The following C1orf87 variants were observed in gnomAD, a reference collection of about 807,000 sequenced individuals.
C1orf87 encodes the protein chromosome 1 open reading frame 87, also known as uncharacterized protein C1orf87.
In C1orf87, 58 loss-of-function variants were observed where a neutral mutation model predicts 60.5. The ratio of observed to expected loss-of-function variants is 0.96; its 90% CI spans 0.78 to 1.19. C1orf87 has a LOEUF of 1.19. Ranked by LOEUF, C1orf87 falls within the 50% of genes most tolerant of loss-of-function variation. C1orf87 has a pLI of 0.00. For missense variants in C1orf87, 673 were observed against 638.6 expected (o/e 1.05, Z -0.58); for synonymous variants, 236 against 227.4 (o/e 1.04, Z -0.34).
intron 3 of C1orf87, 140 bp from the exon 4 acceptor site, chr1:60,041,271 T>C (rs1574316602): frequency 1.6e-5 from 11 of 677,788 alleles, no homozygotes; most frequent in Non-Finnish European, 2.0e-5. Context: ...AGCCCATGTA[T>C]CATTGAGTCA....
At chr1:60,044,274 C>T (rs899367417) in intron 3 of C1orf87, among the ~76,000 whole-genome samples, 2 of 152,224 alleles carry the variant, frequency 1.3e-5, no homozygotes, top group Non-Finnish European at 2.9e-5. Flanking sequence ...TCGTGATCTG[C>T]CCGCCTCGGC....
At chr1:59,996,730 C>T (rs552096935) in intron 11 of C1orf87, among the ~76,000 whole-genome samples, 66 of 152,086 alleles carry the variant, frequency 4.3e-4, no homozygotes, top group African/African-American at 1.5e-3. Context: ...ATGATGACCC[C>T]ACCAGGAAGA....
intron 3 of C1orf87, among the ~76,000 whole-genome samples, chr1:60,045,254 T>C (rs1403574071): frequency 6.6e-6 from 1 of 152,066 alleles, no homozygotes; most frequent in Non-Finnish European, 1.5e-5. Flanking sequence ...TGGGCAGTAG[T>C]GATAATGAGG....
chr1:60,027,476 G>A (rs12071929), intron 7 of C1orf87, among the ~76,000 whole-genome samples: 4,735 of 152,268 alleles, frequency 0.031, 248 homozygotes, highest in African/African-American at 0.11. Context: ...GCCTGGCCCC[G>A]CATGGTGTGG....
chr1:59,993,786 T>A (rs1201963311), intron 11 of C1orf87, among the ~76,000 whole-genome samples: 1 of 150,462 alleles, frequency 6.6e-6, no homozygotes, highest in Non-Finnish European at 1.5e-5. Flanking sequence ...GAGATGGAGT[T>A]TTGCTCTTGT....
chr1:60,065,844 A>G (rs1192232725), intron 2 of C1orf87, among the ~76,000 whole-genome samples: 1 of 152,174 alleles, frequency 6.6e-6, no homozygotes, highest in African/African-American at 2.4e-5. Flanking sequence ...ATAAATATCA[A>G]TGCAAATTAC....
chr1:60,029,378 A>G lies in C1orf87; in HGVS notation c.1030-3880T>C, dbSNP rs556534776. On this transcript the variant is annotated intron_variant, in intron 7 of 11. Transcript: ENST00000371201. Reference sequence around the variant, plus strand: ...GATTCTAATCAATTCTCCAAATTCGATTGGAATGCTTTTTTTTCCCATTTG... The same window carrying G: ...GATTCTAATCAATTCTCCAAATTCGGTTGGAATGCTTTTTTTTCCCATTTG... 5.8e-4 allele frequency among the ~76,000 whole-genome samples: 89 copies of G among 152,140 alleles called. 1 individual carries two copies. The highest frequency in any genetic ancestry group is 1.1e-3 in the Non-Finnish European group (74 of 67,998).
At position 60,037,260 on chromosome 1, in the gene C1orf87, C is replaced by T. The variant is rs141298621; in HGVS notation, c.863+732G>A. Among the ~76,000 whole-genome samples the T allele has an allele frequency of 1.6e-3, 238 of 152,286 alleles. 4 individuals carry two copies. In the East Asian group the frequency reaches 0.038, roughly 24 times the overall value. On this transcript the variant is annotated intron_variant, in intron 6 of 11. Coordinates refer to ENST00000371201, the MANE Select transcript of C1orf87 (RefSeq NM_152377.3). ...TCCTGTGTTGAAACCCTAATGCCAA[C>T]GTGATAACATCAGAAGGCTGGGCCT...
At chr1:60,056,508 T>A (rs1263397330) in intron 2 of C1orf87, among the ~76,000 whole-genome samples, 2 of 152,188 alleles carry the variant, frequency 1.3e-5, no homozygotes, top group East Asian at 3.8e-4. Context: ...TATGAAGTCA[T>A]TAAAATAGTT....
chr1:60,056,848 T>C (rs184800418), intron 2 of C1orf87, among the ~76,000 whole-genome samples: 2 of 152,346 alleles, frequency 1.3e-5, no homozygotes, highest in East Asian at 1.9e-4. Flanking sequence ...CTGTTATTTA[T>C]AGATACAGTG....
At chr1:60,070,852 T>C (rs1645579935) in intron 2 of C1orf87, among the ~76,000 whole-genome samples, 1 of 152,144 alleles carries the variant, frequency 6.6e-6, no homozygotes, top group African/African-American at 2.4e-5. Context: ...ATTTTAAAAA[T>C]TAAATACTAC....
At chr1:59,996,894 A>G (rs535177590) in intron 11 of C1orf87, among the ~76,000 whole-genome samples, 2 of 152,276 alleles carry the variant, frequency 1.3e-5, no homozygotes, top group Non-Finnish European at 2.9e-5. Flanking sequence ...AAGATAGTCT[A>G]CTGGTGAGAT....
intron 9 of C1orf87, among the ~76,000 whole-genome samples, chr1:60,007,082 C>T (rs1457669567): frequency 1.3e-5 from 2 of 151,854 alleles, no homozygotes; most frequent in Non-Finnish European, 2.9e-5. Flanking sequence ...TGGCTAATTT[C>T]TTTATTATTT....
rs1645312006 is a variant in C1orf87, at chr1:60,040,192, A to G, written c.484-12T>C. ...CTCTGGCCAATATCCTAACACAACA[A>G]TGAAAAACAAAGAGCAAGACTCTTC... On this transcript the variant is annotated splice_polypyrimidine_tract_variant and intron_variant, in intron 4 of 11. Coordinates refer to ENST00000371201, the MANE Select transcript of C1orf87 (RefSeq NM_152377.3). 6.2e-7 allele frequency: 1 copy of G among 1,604,244 alleles called. No homozygotes were observed. The highest frequency in any genetic ancestry group is 1.1e-5 in the South Asian group (1 of 89,340).
intron 3 of C1orf87, among the ~76,000 whole-genome samples, chr1:60,054,981 T>G (rs531600112): frequency 6.6e-6 from 1 of 152,204 alleles, no homozygotes; most frequent in African/African-American, 2.4e-5. Flanking sequence ...ATGACCAACT[T>G]CTTTGGTGAT....
intron 6 of C1orf87, among the ~76,000 whole-genome samples, chr1:60,037,578 GATA>G (rs1557470204): frequency 6.6e-6 from 1 of 151,866 alleles, no homozygotes; most frequent in African/African-American, 2.4e-5. Context: ...TCACTCCTGA[GATA>G]ATGACATTAA....
At chr1:60,021,926 A>G (rs538780156) in intron 8 of C1orf87, among the ~76,000 whole-genome samples, 2 of 152,292 alleles carry the variant, frequency 1.3e-5, no homozygotes, top group South Asian at 2.1e-4. Flanking sequence ...GGGAGTTAGC[A>G]TAAGGATATC....
At chr1:60,061,802 A>AAAAAAAAC (rs1557480493) in intron 2 of C1orf87, among the ~76,000 whole-genome samples, 1 of 149,488 alleles carries the variant, frequency 6.7e-6, no homozygotes, top group Non-Finnish European at 1.5e-5. Flanking sequence ...AAAAAAAAAA[A>AAAAAAAAC]TAGCTGGGCT....
At chr1:60,069,180 G>T (rs533241867) in intron 2 of C1orf87, among the ~76,000 whole-genome samples, 1 of 152,298 alleles carries the variant, frequency 6.6e-6, no homozygotes, top group South Asian at 2.1e-4. Context: ...ATGTGGGTCT[G>T]GTGGTGGCAG....
Sources: gnomAD v4.1 joint callset for allele counts (sites outside exome capture counted in the v4.1 genomes callset) on GRCh38, gnomAD v4.1.1 for gene constraint, MANE v1.5 for transcripts, NCBI Gene and HGNC (gene_info 2026-07-23, HGNC 2026-07-21) for gene names.